Variants in TCERG1L observed in about 807,000 individuals in gnomAD.
TCERG1L encodes the protein transcription elongation regulator 1-like protein.
A neutral mutation model predicts 56.3 loss-of-function variants in TCERG1L; 37 were observed. The ratio of observed to expected loss-of-function variants is 0.66; its 90% CI spans 0.51 to 0.87. The LOEUF (loss-of-function observed/expected upper bound fraction) is 0.87. Among genes scored for constraint, TCERG1L ranks in the 40% least tolerant of loss-of-function variants. The pLI, the probability that TCERG1L is intolerant of heterozygous loss-of-function variation, is 0.00. For synonymous variants in TCERG1L, 324 were observed against 326.3 expected, an observed-to-expected ratio of 0.99 and a Z score of 0.08; for missense variants, 799 against 774.2, an observed-to-expected ratio of 1.03 and a Z score of -0.38.
intron 8 of TCERG1L, among the ~76,000 whole-genome samples, chr10:131,131,117 C>G (rs1269720849): frequency 6.6e-6 from 1 of 152,166 alleles, no homozygotes; most frequent in East Asian, 1.9e-4. Flanking sequence ...ATTTCCACTT[C>G]AAAACACTGC....
rs1186569907 is a variant in TCERG1L, at chr10:131,112,581, T to G, written c.1395+4218A>C. ...GGATGGGGAACACTCCTGGAGCCTG[T>G]GGCTGTGGCTGCTCCAGAGTCCCCG... On this transcript the variant is annotated intron_variant, in intron 9 of 11. Coordinates refer to ENST00000368642, the MANE Select transcript of TCERG1L (RefSeq NM_174937.4). 3.5e-5 allele frequency among the ~76,000 whole-genome samples: 5 copies of G among 142,252 alleles called. 2 individuals carry two copies. The highest frequency in any genetic ancestry group is 3.5e-4 in the Admixed American group (5 of 14,454). 93.3% of individuals were successfully genotyped at this position (142,252 alleles called of 152,430 possible).
At chr10:131,295,696 T>C (rs1210178159) in intron 3 of TCERG1L, among the ~76,000 whole-genome samples, 3 of 152,224 alleles carry the variant, frequency 2.0e-5, no homozygotes, top group African/African-American at 7.2e-5. Flanking sequence ...ATATCCATCA[T>C]CTCGAACATT....
At chr10:131,139,071 T>C (rs1845704050) in intron 7 of TCERG1L, among the ~76,000 whole-genome samples, 1 of 152,202 alleles carries the variant, frequency 6.6e-6, no homozygotes, top group Admixed American at 6.5e-5. Flanking sequence ...CAATGCCAAC[T>C]GAAGCAAAGA....
chr10:131,154,038 G>T (rs1304649347), intron 6 of TCERG1L, among the ~76,000 whole-genome samples: 1 of 152,134 alleles, frequency 6.6e-6, no homozygotes, highest in Non-Finnish European at 1.5e-5. Flanking sequence ...GTAACACGCA[G>T]AATTAATTTT....
intron 7 of TCERG1L, among the ~76,000 whole-genome samples, chr10:131,144,552 G>A (rs1323017695): frequency 6.6e-6 from 1 of 151,772 alleles, no homozygotes; most frequent in Non-Finnish European, 1.5e-5. Context: ...GTTGAGAATC[G>A]AAGTCATTTG....
chr10:131,099,711 T>C lies in TCERG1L; in HGVS notation c.1486-1287A>G, dbSNP rs112531019. Among the ~76,000 whole-genome samples, 291 of 152,350 alleles carry C rather than the reference T, an allele frequency of 1.9e-3. 1 individual carries two copies. Among genetic ancestry groups the C allele is most frequent in the African/African-American group, 6.6e-3 (275 of 41,586 alleles). The stretch of plus-strand genomic sequence containing the variant: ...CTTTGTCTTATTGTTTCAGATTCCA[T>C]GTCAGCAGTGGCAAACCTTTACAGG... On this transcript the variant is annotated intron_variant, in intron 10 of 11. Transcript: ENST00000368642.
chr10:131,202,893 T>G lies in TCERG1L; in HGVS notation c.857-36008A>C, dbSNP rs528109070. Among the ~76,000 whole-genome samples the G allele has an allele frequency of 3.6e-4, 55 of 152,298 alleles. 2 individuals are homozygous for G. In the South Asian group the frequency reaches 0.01, roughly 29 times the overall value. On this transcript the variant is annotated intron_variant, in intron 4 of 11. Coordinates refer to ENST00000368642, the MANE Select transcript of TCERG1L (RefSeq NM_174937.4). ...TATTTAGAAAAAAGAAACACTTAAA[T>G]AATTAAGTCTGCCGTCTGTGGAAAC...
chr10:131,270,771 G>A (rs142112832), intron 3 of TCERG1L, among the ~76,000 whole-genome samples: 4 of 152,278 alleles, frequency 2.6e-5, no homozygotes, highest in Admixed American at 2.0e-4. Context: ...CATTGTCCCT[G>A]TGTGTCGTGG....
At chr10:131,135,115 T>C (rs1845660832) in intron 7 of TCERG1L, among the ~76,000 whole-genome samples, 2 of 152,242 alleles carry the variant, frequency 1.3e-5, no homozygotes, top group African/African-American at 4.8e-5. Context: ...AGAGGAAAGA[T>C]AAGCGTGCAG....
Position 131,260,553 on chromosome 10 carries a change from G to A in TCERG1L, c.671-109C>T. The A allele has an allele frequency of 1.6e-6, 2 of 1,250,280 alleles. No individual in the cohort carries two copies. The highest frequency in any genetic ancestry group is 2.7e-5 in the South Asian group (1 of 36,970). 77.4% of individuals were successfully genotyped at this position (1,250,280 alleles called of 1,614,324 possible). ...CAGCCCCCAGAAAACAGGTGAGGGG[G>A]GCGCTACCCCTCTTTAATGGAGGCC... is the stretch of plus-strand genomic sequence containing the variant. On this transcript the variant is annotated intron_variant, in intron 3 of 11. Coordinates refer to ENST00000368642, the MANE Select transcript of TCERG1L (RefSeq NM_174937.4). This position sits in a 1 kb window ranked among gnomAD's most constrained non-coding sequence, Gnocchi z 5.8.
In TCERG1L at chr10:131,155,359, A is replaced by G. The variant is rs144042643; in HGVS notation, c.1034+7763T>C. On this transcript the variant is annotated intron_variant, in intron 6 of 11. Coordinates refer to ENST00000368642, the MANE Select transcript of TCERG1L (RefSeq NM_174937.4). The stretch of plus-strand genomic sequence containing the variant: ...GGAAAGACCACTCCATGGTCATGTC[A>G]AGCCGAGTCCACTCGGGGCCCTGCC... Among the ~76,000 whole-genome samples the G allele has an allele frequency of 2.4e-3, 366 of 152,336 alleles. 2 individuals are homozygous for G. The South Asian group carries it at 0.028, about 12-fold the overall frequency.
chr10:131,164,331 A>T (rs1467269841), intron 5 of TCERG1L, among the ~76,000 whole-genome samples: 1 of 152,148 alleles, frequency 6.6e-6, no homozygotes, highest in Non-Finnish European at 1.5e-5. Flanking sequence ...TCTAACATAA[A>T]CAGAGGCCCA....
intron 4 of TCERG1L, among the ~76,000 whole-genome samples, chr10:131,242,468 CAG>C (rs1845984128): frequency 6.6e-6 from 1 of 152,124 alleles, no homozygotes; most frequent in South Asian, 2.1e-4. Context: ...TGGGAGCACT[CAG>C]AGAGTGGTCA....
intron 8 of TCERG1L, among the ~76,000 whole-genome samples, chr10:131,122,212 G>A (rs185331291): frequency 6.6e-6 from 1 of 152,294 alleles, no homozygotes; most frequent in East Asian, 1.9e-4. Context: ...AACGTCCTAA[G>A]CACTAGAAAT....
rs1310733405 is a variant in TCERG1L, at chr10:131,285,583, A to AG, written c.670+22627_670+22628insC. ...GAAAGAAAAAGAAAGAAAGAAAGAAAAAAAATGAGATGGCAGGGCAGCTTC... is the reference window on the plus strand; with the variant it reads ...GAAAGAAAAAGAAAGAAAGAAAGAAAGAAAAATGAGATGGCAGGGCAGCTTC... On this transcript the variant is annotated intron_variant, in intron 3 of 11. Coordinates refer to ENST00000368642, the MANE Select transcript of TCERG1L (RefSeq NM_174937.4). Among the ~76,000 whole-genome samples the AG allele has an allele frequency of 4.7e-4, 64 of 136,162 alleles. 3 individuals are homozygous for AG. The East Asian group carries it at 0.01, about 22-fold the overall frequency. 89.3% of individuals were successfully genotyped at this position (136,162 alleles called of 152,430 possible).
chr10:131,164,388 A>G (rs78011842), intron 5 of TCERG1L, among the ~76,000 whole-genome samples: 2,668 of 152,320 alleles, frequency 0.018, 70 homozygotes, highest in African/African-American at 0.061. Flanking sequence ...GACAGACCGC[A>G]GGTCTTTGTT....
rs1008793895 is a variant in TCERG1L at position 131,311,429 on chromosome 10, G to A, written c.207C>T (p.Pro69=). Residue 69 remains proline, a synonymous_variant, in exon 1 of 12, where the codon CCC becomes CCT. Transcript: ENST00000368642. This position sits in a 1 kb window ranked among gnomAD's most constrained non-coding sequence, Gnocchi z 4.0. ...GGAGACCGGGGAGCAGCGGGGCCGCGGGCGGCGGGGCCGAGGCGAGCAGCA... is the reference window on the plus strand; with the variant it reads ...GGAGACCGGGGAGCAGCGGGGCCGCAGGCGGCGGGGCCGAGGCGAGCAGCA... ...PPVLLASAPP[P]AAPLLPGLPG... The A allele has an allele frequency of 5.8e-4, 686 of 1,177,252 alleles. 5 individuals are homozygous for A. In the African/African-American group the frequency reaches 0.01, roughly 18 times the overall value. The allele number at this position is 1,177,252 out of a possible 1,614,324, so 72.9% of individuals were successfully genotyped here. A position where few individuals can be genotyped will look rare whatever the true frequency, so the allele number is the denominator to read the frequency against.
rs188971797 is a variant in TCERG1L, at chr10:131,211,173, C to T, written c.857-44288G>A. ...GGGGCACGGTCAGGGCCGTATGGCT[C>T]GGCCCTCCCTGCTGGAGGCACCGTG... On this transcript the variant is annotated intron_variant, in intron 4 of 11. Coordinates refer to ENST00000368642, the MANE Select transcript of TCERG1L (RefSeq NM_174937.4). 2.4e-3 allele frequency among the ~76,000 whole-genome samples: 359 copies of T among 152,294 alleles called. 3 individuals carry two copies. The highest frequency in any genetic ancestry group is 0.021 in the Admixed American group (329 of 15,308).
At chr10:131,141,203 C>T (rs951568492) in intron 7 of TCERG1L, among the ~76,000 whole-genome samples, 3 of 152,182 alleles carry the variant, frequency 2.0e-5, no homozygotes, top group Non-Finnish European at 2.9e-5. Context: ...TGCCACACCA[C>T]GGGTGCTGTG....
Sources: allele counts gnomAD v4.1 joint callset (sites outside exome capture counted in the v4.1 genomes callset), GRCh38; gene constraint gnomAD v4.1.1; non-coding constraint Gnocchi (gnomAD v3.1); transcripts MANE v1.5; gene names NCBI Gene and HGNC (gene_info 2026-07-23, HGNC 2026-07-21).